The following OTOP2 variants were observed in gnomAD, a reference collection of about 807,000 sequenced individuals.
OTOP2 encodes proton channel OTOP2.
In OTOP2, 41 loss-of-function variants were observed where a neutral mutation model predicts 47.4. The observed-to-expected ratio is 0.87, with a 90% CI of 0.67 to 1.12. OTOP2 has a LOEUF of 1.12. Ranked by LOEUF, OTOP2 falls within the 50% of genes most tolerant of loss-of-function variation. OTOP2 has a pLI of 0.00. For synonymous variants in OTOP2, 328 were observed against 319.6 expected (o/e 1.03, Z -0.28); for missense variants, 721 against 752.2 (o/e 0.96, Z 0.49).
At chr17:74,927,643 C>A in intron 4 of OTOP2, 22 bp from the exon 5 acceptor site, 2 of 1,603,956 alleles carry the variant, frequency 1.2e-6, no homozygotes, top group Non-Finnish European at 1.7e-6. Flanking sequence ...GCCTCTTTGT[C>A]CCCACCCCTG....
At chr17:74,931,201 G>A in intron 6 of OTOP2, 48 bp downstream of exon 6, 1 of 1,538,192 alleles carries the variant, frequency 6.5e-7, no homozygotes, top group Non-Finnish European at 8.8e-7. Context: ...AGAGACTGAG[G>A]AAGGATGCTC....
intron 4 of OTOP2, 84 bp from the exon 5 acceptor site, chr17:74,927,581 T>A: frequency 6.5e-7 from 1 of 1,527,586 alleles, no homozygotes; most frequent in Non-Finnish European, 8.8e-7. Flanking sequence ...TGCTTTATCA[T>A]TTCTCAACAC....
chr17:74,930,279 A>G lies in OTOP2; in HGVS notation c.644A>G (p.Gln215Arg), dbSNP rs1392113476. Residue 215 changes from glutamine to arginine, a missense_variant and splice_region_variant, in exon 6 of 7, where the codon CAG becomes CGG. Gln to Arg is a conservative substitution (Grantham distance 43, BLOSUM62 1). Transcript: ENST00000331427. This position sits in a 1 kb window ranked among gnomAD's most constrained non-coding sequence, Gnocchi z 4.0. ...NASHARLISDQHADNPVGGDS... is the reference protein window; with the variant it reads ...NASHARLISDRHADNPVGGDS... ...AGCCCTGTGTCTCTCTCCACAACAGAGCATGCAGACAACCCGGTCGGAGGA... is the reference window on the plus strand; with the variant it reads ...AGCCCTGTGTCTCTCTCCACAACAGGGCATGCAGACAACCCGGTCGGAGGA... 2 of 1,610,788 alleles carry G rather than the reference A, an allele frequency of 1.2e-6. No individual in the cohort carries two copies. Among genetic ancestry groups the G allele is most frequent in the Non-Finnish European group, 1.7e-6 (2 of 1,177,730 alleles).
chr17:74,926,749 T>C (rs960608757), intron 3 of OTOP2, among the ~76,000 whole-genome samples: 2 of 151,948 alleles, frequency 1.3e-5, no homozygotes, highest in African/African-American at 4.8e-5. Context: ...TTTTTTTCTT[T>C]TTTCTTTTCT....
Position 74,924,436 on chromosome 17 carries a change from G to C in OTOP2, c.-34+103G>C, listed in dbSNP as rs2038983794. On this transcript the variant is annotated intron_variant, in intron 1 of 6. Coordinates refer to ENST00000331427, the MANE Select transcript of OTOP2 (RefSeq NM_178160.3). The surrounding 1 kb of genome is among the most constrained non-coding windows in gnomAD (Gnocchi z 7.7). Reference sequence around the variant, plus strand: ...CTCCTTTCTTCCCATCCAGCGAGAGGGGCAGGTTCCGCATTTTCTCTTCCC... The same window carrying C: ...CTCCTTTCTTCCCATCCAGCGAGAGCGGCAGGTTCCGCATTTTCTCTTCCC... 5.0e-6 allele frequency: 3 copies of C among 601,334 alleles called. No homozygotes were observed. The highest frequency in any genetic ancestry group is 8.4e-6 in the Non-Finnish European group (3 of 358,690). 37.2% of individuals were successfully genotyped at this position (601,334 alleles called of 1,614,324 possible).
At chr17:74,931,251 A>G in intron 6 of OTOP2, 98 bp downstream of exon 6, 1 of 1,440,542 alleles carries the variant, frequency 6.9e-7, no homozygotes. Context: ...TCTTGCCCCC[A>G]GCCCGCCTGA....
Position 74,930,251 on chromosome 17 carries a change from T to A in OTOP2, c.644-28T>A, listed in dbSNP as rs1471911524. On this transcript the variant is annotated intron_variant, in intron 5 of 6. Transcript: ENST00000331427. The surrounding 1 kb of genome is among the most constrained non-coding windows in gnomAD (Gnocchi z 4.0). Reference sequence around the variant, plus strand: ...CCTCTCTAGGAAGGCAGGAGGGCTGTCCAGCCCTGTGTCTCTCTCCACAAC... The same window carrying A: ...CCTCTCTAGGAAGGCAGGAGGGCTGACCAGCCCTGTGTCTCTCTCCACAAC... 3 of 1,593,260 alleles carry A rather than the reference T, an allele frequency of 1.9e-6. No individual in the cohort carries two copies. Among genetic ancestry groups the A allele is most frequent in the Non-Finnish European group, 2.6e-6 (3 of 1,165,274 alleles).
Position 74,931,037 on chromosome 17 carries a change from A to G in OTOP2, c.1402A>G (p.Ser468Gly). ...SACPPNPGLV[S>G]PSPSDQREAV... ...CTGCCCACCCAACCCCGGGCTGGTT[A>G]GCCCCAGCCCTTCAGACCAGCGGGA... The change falls in exon 6 of 7, where the codon AGC becomes GGC. Residue 468 changes from serine to glycine, a missense_variant. Coordinates refer to ENST00000331427, the MANE Select transcript of OTOP2 (RefSeq NM_178160.3). 1 of 1,614,128 alleles carries G rather than the reference A, an allele frequency of 6.2e-7. No homozygotes were observed. Among genetic ancestry groups the G allele is most frequent in the Non-Finnish European group, 8.5e-7 (1 of 1,180,008 alleles).
At position 74,924,565 on chromosome 17, in the gene OTOP2, G is replaced by A; in HGVS notation, c.-33-35G>A. 2.8e-6 allele frequency: 4 copies of A among 1,439,078 alleles called. No homozygotes were observed. In the South Asian group the frequency reaches 5.8e-5, roughly 21 times the overall value. The allele number at this position is 1,439,078 out of a possible 1,614,324, so 89.1% of individuals were successfully genotyped here. On this transcript the variant is annotated intron_variant, in intron 1 of 6. Coordinates refer to ENST00000331427, the MANE Select transcript of OTOP2 (RefSeq NM_178160.3). This position sits in a 1 kb window ranked among gnomAD's most constrained non-coding sequence, Gnocchi z 7.7. ...AGATGGGGGAAGGAGAGCCGTCAGGGTTGACCTGGAGTTTTGTCCGCTCCT... is the reference window on the plus strand; with the variant it reads ...AGATGGGGGAAGGAGAGCCGTCAGGATTGACCTGGAGTTTTGTCCGCTCCT...
chr17:74,932,600 G>A (rs1028373667), intron 6 of OTOP2, among the ~76,000 whole-genome samples: 1 of 152,190 alleles, frequency 6.6e-6, no homozygotes, highest in Non-Finnish European at 1.5e-5. Flanking sequence ...TTCCACCCAG[G>A]CCTGGCTTAT....
In OTOP2 at chr17:74,927,794, T is replaced by G. The variant is rs778908970; in HGVS notation, c.639T>G (p.Ser213=). 1.2e-6 allele frequency: 2 copies of G among 1,613,848 alleles called. No homozygotes were observed. The highest frequency in any genetic ancestry group is 1.7e-4 in the Middle Eastern group (1 of 6,060). The change falls in exon 5 of 7, where the codon TCT becomes TCG. Residue 213 remains serine (S), a synonymous_variant. Coordinates refer to ENST00000331427, the MANE Select transcript of OTOP2 (RefSeq NM_178160.3). ...ACGCCAGCCACGCCCGTCTCATCTCTGACCGTGAGTTTCCTCTTAATGCTG... is the reference window on the plus strand; with the variant it reads ...ACGCCAGCCACGCCCGTCTCATCTCGGACCGTGAGTTTCCTCTTAATGCTG... ...HSNASHARLI[S]DQHADNPVGG...
chr17:74,924,981 C>T lies in OTOP2; in HGVS notation c.313+36C>T, dbSNP rs1039738358. 63 of 1,515,950 alleles carry T rather than the reference C, an allele frequency of 4.2e-5. No individual in the cohort carries two copies. The Admixed American group carries it at 1.2e-3, about 29-fold the overall frequency. 93.9% of individuals were successfully genotyped at this position (1,515,950 alleles called of 1,614,324 possible). The stretch of plus-strand genomic sequence containing the variant: ...AGGTGGGGGCGAGGTAGGGTGGGCA[C>T]AACAGGGAGCTGCAGGCTAGGGCTC... On this transcript the variant is annotated intron_variant, in intron 2 of 6. Coordinates refer to ENST00000331427, the MANE Select transcript of OTOP2 (RefSeq NM_178160.3). The surrounding 1 kb of genome is among the most constrained non-coding windows in gnomAD (Gnocchi z 7.7).
At position 74,924,958 on chromosome 17, in the gene OTOP2, G is replaced by A. The variant is rs754764725; in HGVS notation, c.313+13G>A. 6.5e-7 allele frequency: 1 copy of A among 1,541,630 alleles called. No homozygotes were observed. On this transcript the variant is annotated intron_variant, in intron 2 of 6. Coordinates refer to ENST00000331427, the MANE Select transcript of OTOP2 (RefSeq NM_178160.3). The surrounding 1 kb of genome is among the most constrained non-coding windows in gnomAD (Gnocchi z 7.7). ...ATCTGGCTCCGAGGTGCCAGGGGAGGTGGGGGCGAGGTAGGGTGGGCACAA... is the reference window on the plus strand; with the variant it reads ...ATCTGGCTCCGAGGTGCCAGGGGAGATGGGGGCGAGGTAGGGTGGGCACAA...
At chr17:74,926,025 G>A (rs1346633419) in intron 3 of OTOP2, among the ~76,000 whole-genome samples, 2 of 152,244 alleles carry the variant, frequency 1.3e-5, no homozygotes, top group Admixed American at 6.5e-5. Flanking sequence ...CCCGTAGGGG[G>A]CTTCTGTGTC....
chr17:74,927,845 C>T (rs1040345904), intron 5 of OTOP2, 47 bp downstream of exon 5: 27 of 1,596,512 alleles, frequency 1.7e-5, no homozygotes, highest in African/African-American at 4.0e-5. Context: ...GGCCTTGGGC[C>T]GGGTGCTTTG....
chr17:74,930,217 G>C lies in OTOP2; in HGVS notation c.644-62G>C, dbSNP rs2039041995. 6.5e-7 allele frequency: 1 copy of C among 1,528,164 alleles called. No homozygotes were observed. Among genetic ancestry groups the C allele is most frequent in the Non-Finnish European group, 8.8e-7 (1 of 1,136,296 alleles). 94.7% of individuals were successfully genotyped at this position (1,528,164 alleles called of 1,614,324 possible). On this transcript the variant is annotated intron_variant, in intron 5 of 6. Transcript: ENST00000331427. This position sits in a 1 kb window ranked among gnomAD's most constrained non-coding sequence, Gnocchi z 4.0. ...ACAAAAAAAAAAAGGTCACAGGCTA[G>C]GGGTGAGACCTCTCTAGGAAGGCAG...
intron 5 of OTOP2, among the ~76,000 whole-genome samples, chr17:74,928,559 G>A (rs1195883729): frequency 6.6e-6 from 1 of 152,158 alleles, no homozygotes; most frequent in African/African-American, 2.4e-5. Flanking sequence ...GCACTGTGCT[G>A]AGTGTCTTAA....
At position 74,930,503 on chromosome 17, in the gene OTOP2, T is replaced by C; in HGVS notation, c.868T>C (p.Phe290Leu). Reference sequence around the variant, plus strand: ...TGTCAGCCTCTTCCGGGAGACCTTTTTTGCTGGCCCGGTTCTGGGCCTGCT... The same window carrying C: ...TGTCAGCCTCTTCCGGGAGACCTTTCTTGCTGGCCCGGTTCTGGGCCTGCT... ...TPVSLFRETF[F>L]AGPVLGLLLF... Residue 290 changes from phenylalanine to leucine, a missense_variant, in exon 6 of 7, where the codon TTT becomes CTT. Transcript: ENST00000331427. The surrounding 1 kb of genome is among the most constrained non-coding windows in gnomAD (Gnocchi z 4.0). 2 of 1,612,958 alleles carry C rather than the reference T, an allele frequency of 1.2e-6. No homozygotes were observed. Among genetic ancestry groups the C allele is most frequent in the South Asian group, 1.1e-5 (1 of 91,070 alleles).
chr17:74,930,705 T>A lies in OTOP2; in HGVS notation c.1070T>A (p.Met357Lys), dbSNP rs753082971. ...ATCTACCGTTTTGACCGCCGGGCCATGGACCACCATAAGAACCCCACGCGC... is the reference window on the plus strand; with the variant it reads ...ATCTACCGTTTTGACCGCCGGGCCAAGGACCACCATAAGAACCCCACGCGC... ...SIIYRFDRRA[M>K]DHHKNPTRTL... Residue 357 changes from methionine (M) to lysine (K), a missense_variant, in exon 6 of 7, where the codon ATG becomes AAG. Transcript: ENST00000331427. The surrounding 1 kb of genome is among the most constrained non-coding windows in gnomAD (Gnocchi z 4.0). 8.7e-6 allele frequency: 14 copies of A among 1,614,082 alleles called. 1 individual carries two copies. The South Asian group carries it at 1.5e-4, about 18-fold the overall frequency.
Sources: gnomAD v4.1 joint callset for allele counts (sites outside exome capture counted in the v4.1 genomes callset) on GRCh38, gnomAD v4.1.1 for gene constraint, Gnocchi (gnomAD v3.1) non-coding constraint, MANE v1.5 for transcripts, NCBI Gene and HGNC (gene_info 2026-07-23, HGNC 2026-07-21) for gene names.